PLCE1: variants seen among roughly 807,000 people sequenced by gnomAD.
The protein encoded by PLCE1 is phospholipase C epsilon 1, also known as 1-phosphatidylinositol 4,5-bisphosphate phosphodiesterase epsilon-1.
Under a neutral mutation model 242.8 loss-of-function variants are expected in PLCE1, and 119 were observed. That is an observed-to-expected ratio of 0.49 (90% CI 0.42 to 0.57). The LOEUF is 0.57. Ranked by LOEUF, PLCE1 falls within the 20% of genes least tolerant of loss-of-function variation. The probability of loss-of-function intolerance (pLI) is 0.00; values close to 1 mark genes in which losing one functional copy is unlikely to be tolerated. For synonymous variants in PLCE1, 945 were observed against 1,017.4 expected (o/e 0.93, Z 1.35); for missense variants, 2,441 against 2,788.8 (o/e 0.88, Z 2.81).
Position 94,268,999 on chromosome 10 carries a change from A to G in PLCE1, c.4352A>G (p.Tyr1451Cys). 1 of 1,606,728 alleles carries G rather than the reference A, an allele frequency of 6.2e-7. No individual in the cohort carries two copies. Among genetic ancestry groups the G allele is most frequent in the Non-Finnish European group, 8.5e-7 (1 of 1,174,508 alleles). ...GGAGACGATGGGATGCCCATCATTT[A>G]TCATGGACATACGCTGACAACCAAG... is the stretch of plus-strand genomic sequence containing the variant. ...WDGDDGMPII[Y>C]HGHTLTTKIP... is the part of the protein sequence containing the mutation. Residue 1451 changes from tyrosine to cysteine, a missense_variant, in exon 17 of 33, where the codon TAT (tyrosine) becomes TGT (cysteine). By Grantham distance (194) the Tyr-to-Cys change is radical. Coordinates refer to ENST00000371380, the MANE Select transcript of PLCE1 (RefSeq NM_016341.4).
chr10:94,223,959 A>C (rs1589376524), intron 4 of PLCE1, among the ~76,000 whole-genome samples: 1 of 152,306 alleles, frequency 6.6e-6, no homozygotes, highest in Non-Finnish European at 1.5e-5. Context: ...TTTGTCACTG[A>C]ATCTTCATTT....
chr10:94,094,542 T>C (rs552090772), intron 2 of PLCE1: 1 of 152,340 alleles, frequency 6.6e-6, no homozygotes, highest in East Asian at 1.9e-4. Flanking sequence ...GAGGAAGTCA[T>C]ATCCTGCAAG....
intron 26 of PLCE1, among the ~76,000 whole-genome samples, chr10:94,307,614 G>A (rs894327028): frequency 7.2e-5 from 11 of 152,188 alleles, no homozygotes; most frequent in Non-Finnish European, 1.5e-4. Flanking sequence ...GGCAGGTTTG[G>A]TTTCTTCTAG....
intron 22 of PLCE1, chr10:94,287,097 C>A (rs1454737465): frequency 6.6e-6 from 1 of 152,144 alleles, no homozygotes; most frequent in Admixed American, 6.5e-5. Context: ...ATCAGGAGGT[C>A]ATGTGATAGA....
intron 14 of PLCE1, among the ~76,000 whole-genome samples, 186 bp from the exon 15 acceptor site, chr10:94,265,461 A>G (rs1240775836): frequency 6.6e-6 from 1 of 152,294 alleles, no homozygotes; most frequent in East Asian, 1.9e-4. Flanking sequence ...ATAAACTCAC[A>G]TATAATAAAT....
At chr10:94,182,603 A>G (rs2048350059) in intron 4 of PLCE1, among the ~76,000 whole-genome samples, 1 of 150,628 alleles carries the variant, frequency 6.6e-6, no homozygotes, top group South Asian at 2.1e-4. Context: ...TCTTTCCTTC[A>G]TTCCTTCCTT....
rs1202047514 is a variant in PLCE1, at chr10:94,324,386, G to C, written c.6539G>C (p.Ser2180Thr). 6.2e-7 allele frequency: 1 copy of C among 1,614,152 alleles called. No homozygotes were observed. Residue 2180 changes from serine (S) to threonine (T), a missense_variant, in exon 31 of 33, where the codon AGC (serine) becomes ACC (threonine). Ser to Thr is a moderately conservative substitution (Grantham distance 58). This residue lies in a region of PLCE1 where 310 missense variants were observed against 317.2 expected (regional missense o/e 0.98). Coordinates refer to ENST00000371380, the MANE Select transcript of PLCE1 (RefSeq NM_016341.4). ...GCCAAATATTCCTACAGCATCCTGA[G>C]CAACCCCAATCCAAGCGACTATGTG... The part of the protein sequence containing the change: ...CKAKYSYSIL[S>T]NPNPSDYVLL...
intron 22 of PLCE1, among the ~76,000 whole-genome samples, chr10:94,290,088 G>A (rs1359046227): frequency 3.3e-5 from 5 of 152,086 alleles, no homozygotes; most frequent in African/African-American, 1.2e-4. Context: ...GTGCAGTGGT[G>A]GAATCATGGC....
At chr10:94,256,901 GACAA>G (rs534935728) in intron 11 of PLCE1, among the ~76,000 whole-genome samples, 3 of 152,162 alleles carry the variant, frequency 2.0e-5, no homozygotes, top group East Asian at 1.9e-4. Context: ...GGGAAGAGTG[GACAA>G]ACAGAGTTTC....
At chr10:94,091,066 A>G (rs2045049970) in intron 2 of PLCE1, among the ~76,000 whole-genome samples, 1 of 152,162 alleles carries the variant, frequency 6.6e-6, no homozygotes, top group Non-Finnish European at 1.5e-5. Context: ...ATTTTTTGTC[A>G]GTGTATTACA....
chr10:94,288,427 C>T (rs1008323095), intron 22 of PLCE1, among the ~76,000 whole-genome samples: 3 of 152,270 alleles, frequency 2.0e-5, no homozygotes, highest in African/African-American at 7.2e-5. Context: ...CTCTCTGAGC[C>T]TTTCTCACTC....
chr10:94,012,148 G>A (rs6583922), intron 1 of PLCE1, among the ~76,000 whole-genome samples: 31,292 of 151,846 alleles, frequency 0.21, 3,691 homozygotes, highest in Non-Finnish European at 0.26. Flanking sequence ...TAACATGGCC[G>A]ATATTTTCCA....
At chr10:94,241,143 A>C (rs2050490886) in intron 7 of PLCE1, among the ~76,000 whole-genome samples, 2 of 152,180 alleles carry the variant, frequency 1.3e-5, no homozygotes, top group Non-Finnish European at 2.9e-5. Context: ...ATCTGGCATT[A>C]GTTCTTTTTT....
chr10:94,029,250 T>G (rs1409308500), intron 1 of PLCE1, among the ~76,000 whole-genome samples: 1 of 152,196 alleles, frequency 6.6e-6, no homozygotes, highest in Non-Finnish European at 1.5e-5. Flanking sequence ...GCTGTCAATC[T>G]GAAGGCTTTG....
At chr10:94,300,064 G>A (rs1343679205) in intron 24 of PLCE1, among the ~76,000 whole-genome samples, 7 of 152,176 alleles carry the variant, frequency 4.6e-5, no homozygotes, top group African/African-American at 1.7e-4. Flanking sequence ...AGCCCTGTCT[G>A]TAGTCCTGTG....
chr10:94,325,056 TG>T lies in PLCE1; in HGVS notation c.6886del (p.Asp2296ThrfsTer9). The T allele has an allele frequency of 6.2e-7, 1 of 1,614,114 alleles. No homozygotes were observed. Among genetic ancestry groups the T allele is most frequent in the African/African-American group, 1.3e-5 (1 of 75,044 alleles). ...EKPVGGLSSS[D>X]TMDYRQ ...AACCTGTGGGTGGCTTGTCCTCCAGTGACACAATGGATTACCGACAGTGACT... is the reference window on the plus strand; with the variant it reads ...AACCTGTGGGTGGCTTGTCCTCCAGTACACAATGGATTACCGACAGTGACT... On this transcript the variant is annotated frameshift_variant, in exon 32 of 33. Coordinates refer to ENST00000371380, the MANE Select transcript of PLCE1 (RefSeq NM_016341.4). LOFTEE classifies it high-confidence loss of function.
chr10:94,313,432 GATGT>G, intron 28 of PLCE1, 50 bp downstream of exon 28: 1 of 1,607,976 alleles, frequency 6.2e-7, no homozygotes. Context: ...AAGATGTATG[GATGT>G]ATGTGTGTGT....
rs1255216102 is a variant in PLCE1, at chr10:94,077,492, C to T, written c.1206+45240C>T. Among the ~76,000 whole-genome samples the T allele has an allele frequency of 6.6e-5, 10 of 152,130 alleles. 1 individual carries two copies. The highest frequency in any genetic ancestry group is 1.3e-4 in the Admixed American group (2 of 15,276). On this transcript the variant is annotated intron_variant, in intron 2 of 32. Transcript: ENST00000371380. The stretch of plus-strand genomic sequence containing the variant: ...CAGTCACTTAAGGTTGTTTCCAACT[C>T]ATCTCACCTGTAATCCCAGACCTTT...
intron 2 of PLCE1, among the ~76,000 whole-genome samples, chr10:94,072,288 G>GT (rs1260917515): frequency 1.3e-5 from 2 of 148,592 alleles, no homozygotes; most frequent in South Asian, 2.1e-4. Context: ...TGTTTTTTTT[G>GT]TTTTTTTAGA....
Sources: allele counts gnomAD v4.1 joint callset (sites outside exome capture counted in the v4.1 genomes callset), GRCh38; gene constraint gnomAD v4.1.1; regional missense constraint gnomAD v4.1.1; transcripts MANE v1.5; gene names NCBI Gene and HGNC (gene_info 2026-07-23, HGNC 2026-07-21).